ARL15: variants seen among roughly 807,000 people sequenced by gnomAD.
ARL15 encodes ARF like GTPase 15.
Under a neutral mutation model 25.2 loss-of-function variants are expected in ARL15, and 19 were observed. That is an observed-to-expected ratio of 0.75 (90% CI 0.53 to 1.10). ARL15 has a LOEUF of 1.10. ARL15 is among the 50% of genes least tolerant of loss of function. The pLI is 0.00. For missense variants in ARL15, 220 were observed against 246.0 expected (o/e 0.89, Z 0.71); for synonymous variants, 94 against 86.8 (o/e 1.08, Z -0.46).
intron 4 of ARL15, among the ~76,000 whole-genome samples, chr5:53,890,402 A>G (rs183693990): frequency 1.6e-4 from 24 of 152,362 alleles, no homozygotes; most frequent in Admixed American, 1.6e-3. Flanking sequence ...TTACTTATCA[A>G]GATGAACATC....
At chr5:54,085,575 C>T (rs527364833) in intron 4 of ARL15, among the ~76,000 whole-genome samples, 5 of 152,142 alleles carry the variant, frequency 3.3e-5, no homozygotes, top group Admixed American at 2.6e-4. Context: ...GGGTATTTCC[C>T]CACAAATATT....
chr5:53,980,423 G>A (rs1561174536), intron 4 of ARL15, among the ~76,000 whole-genome samples: 1 of 152,204 alleles, frequency 6.6e-6, no homozygotes, highest in Non-Finnish European at 1.5e-5. Flanking sequence ...AATTTACACA[G>A]AGGTCTGATG....
chr5:54,232,474 A>G (rs923697267), intron 1 of ARL15, among the ~76,000 whole-genome samples: 7 of 152,202 alleles, frequency 4.6e-5, no homozygotes, highest in African/African-American at 1.4e-4. Flanking sequence ...TTGTTCTGAC[A>G]TTCGAAGCTC....
intron 4 of ARL15, among the ~76,000 whole-genome samples, chr5:54,023,319 T>C (rs1749676327): frequency 6.6e-6 from 1 of 151,980 alleles, no homozygotes; most frequent in South Asian, 2.1e-4. Flanking sequence ...ATTACAGATA[T>C]ATGGAAATGC....
chr5:54,126,696 A>C (rs894968249), intron 3 of ARL15, among the ~76,000 whole-genome samples: 7 of 152,180 alleles, frequency 4.6e-5, no homozygotes, highest in African/African-American at 1.7e-4. Flanking sequence ...CTGTCAGTTC[A>C]ATCTCTTACT....
Position 54,171,918 on chromosome 5 carries a change from G to T in ARL15, c.59C>A (p.Ala20Glu). ...AGGTGGTGGTCCCTTGCAGCAAAGT[G>T]CTCTAAAACACTGCCAAAAGAAGGG... ...FLYMDYLCFRALCCKGPPPAR... is the reference protein window; with the variant it reads ...FLYMDYLCFRELCCKGPPPAR... Residue 20 changes from alanine to glutamate, a missense_variant, in exon 2 of 5, where the codon GCA becomes GAA. Ala to Glu is a moderately radical substitution (Grantham distance 107). Coordinates refer to ENST00000504924, the MANE Select transcript of ARL15 (RefSeq NM_019087.3). 8 of 1,609,960 alleles carry T rather than the reference G, an allele frequency of 5.0e-6. No individual in the cohort carries two copies. Among genetic ancestry groups the T allele is most frequent in the Non-Finnish European group, 6.8e-6 (8 of 1,177,050 alleles).
At chr5:54,214,050 C>A (rs1329628325) in intron 1 of ARL15, among the ~76,000 whole-genome samples, 1 of 150,530 alleles carries the variant, frequency 6.6e-6, no homozygotes, top group Non-Finnish European at 1.5e-5. Context: ...CAAATGATTA[C>A]TGTATGGCAA....
At chr5:53,962,637 T>C (rs1204508639) in intron 4 of ARL15, among the ~76,000 whole-genome samples, 1 of 152,150 alleles carries the variant, frequency 6.6e-6, no homozygotes, top group Non-Finnish European at 1.5e-5. Flanking sequence ...AAATGTATAC[T>C]CTATTTTCCT....
chr5:54,029,702 TA>T (rs1379610190), intron 4 of ARL15, among the ~76,000 whole-genome samples: 5 of 151,776 alleles, frequency 3.3e-5, no homozygotes. Flanking sequence ...CTATAAAAAA[TA>T]AAAAGAATGG....
chr5:53,922,865 C>T (rs1336176394), intron 4 of ARL15, among the ~76,000 whole-genome samples: 4 of 152,098 alleles, frequency 2.6e-5, no homozygotes, highest in Admixed American at 2.0e-4. Context: ...GTCTATTCCC[C>T]TGGGGACTTT....
Position 53,903,721 on chromosome 5 carries a change from G to A in ARL15, c.463-17008C>T, listed in dbSNP as rs142790607. Among the ~76,000 whole-genome samples the A allele has an allele frequency of 3.1e-3, 474 of 152,296 alleles. 2 individuals are homozygous for A. The highest frequency in any genetic ancestry group is 5.5e-3 in the Non-Finnish European group (375 of 68,018). On this transcript the variant is annotated intron_variant, in intron 4 of 4. Transcript: ENST00000504924. Reference sequence around the variant, plus strand: ...CGTCCAGGAGCATCACAGGTCAACAGCTCCTATTCTCTGTGCTTCTTTCTG... The same window carrying A: ...CGTCCAGGAGCATCACAGGTCAACAACTCCTATTCTCTGTGCTTCTTTCTG...
At chr5:54,133,300 TAA>T (rs1209269060) in intron 3 of ARL15, among the ~76,000 whole-genome samples, 15 of 152,186 alleles carry the variant, frequency 9.9e-5, no homozygotes, top group Non-Finnish European at 1.8e-4. Context: ...AGAAATTGTC[TAA>T]ACCATATTAA....
At chr5:53,933,944 AG>A (rs1746276509) in intron 4 of ARL15, among the ~76,000 whole-genome samples, 2 of 152,296 alleles carry the variant, frequency 1.3e-5, no homozygotes, top group East Asian at 3.9e-4. Flanking sequence ...GAATCCCTTA[AG>A]CTCTAACTCA....
intron 1 of ARL15, among the ~76,000 whole-genome samples, chr5:54,295,285 G>GTCAC (rs1758438041): frequency 6.6e-6 from 1 of 152,130 alleles, no homozygotes; most frequent in Non-Finnish European, 1.5e-5. Context: ...ATGGAAAATA[G>GTCAC]TCACCTATGG....
intron 4 of ARL15, among the ~76,000 whole-genome samples, chr5:53,934,314 G>A (rs998243291): frequency 6.6e-6 from 1 of 152,138 alleles, no homozygotes; most frequent in Non-Finnish European, 1.5e-5. Flanking sequence ...CTGCCATTTA[G>A]CTCAAGGCTT....
At chr5:54,008,510 G>C (rs567965479) in intron 4 of ARL15, among the ~76,000 whole-genome samples, 3 of 152,292 alleles carry the variant, frequency 2.0e-5, no homozygotes, top group Admixed American at 1.3e-4. Flanking sequence ...ATTACACGAA[G>C]CTAGAACTTG....
At chr5:54,193,452 C>CTCTGCTTG (rs1755461245) in intron 1 of ARL15, among the ~76,000 whole-genome samples, 2 of 152,164 alleles carry the variant, frequency 1.3e-5, no homozygotes, top group Non-Finnish European at 2.9e-5. Context: ...AGCAAGGGAG[C>CTCTGCTTG]ATTGTGGCTT....
chr5:53,964,383 G>A lies in ARL15; in HGVS notation c.463-77670C>T, dbSNP rs550558187. 5.3e-5 allele frequency among the ~76,000 whole-genome samples: 8 copies of A among 151,748 alleles called. No individual in the cohort carries two copies. In the East Asian group the frequency reaches 9.7e-4, roughly 18 times the overall value. On this transcript the variant is annotated intron_variant, in intron 4 of 4. Transcript: ENST00000504924. ...TTTTATTTATTTATTTTTTTGAGAC[G>A]GAGTCTAGCTCTGTCCCCCATGCTG...
At chr5:54,039,815 A>AC (rs1166508670) in intron 4 of ARL15, among the ~76,000 whole-genome samples, 1 of 151,204 alleles carries the variant, frequency 6.6e-6, no homozygotes, top group Non-Finnish European at 1.5e-5. Flanking sequence ...AAAAAAAAAA[A>AC]AAAAAAAAAA....
Sources: allele counts gnomAD v4.1 joint callset (sites outside exome capture counted in the v4.1 genomes callset), GRCh38; gene constraint gnomAD v4.1.1; transcripts MANE v1.5; gene names NCBI Gene and HGNC (gene_info 2026-07-23, HGNC 2026-07-21).